The following GNAQ variants were observed in gnomAD, a reference collection of about 807,000 sequenced individuals.
GNAQ encodes the protein guanine nucleotide-binding protein G(q) subunit alpha.
Under a neutral mutation model 43.9 loss-of-function variants are expected in GNAQ, and 8 were observed. That is an observed-to-expected ratio of 0.18 (90% CI 0.11 to 0.33). GNAQ has a LOEUF of 0.33. Among genes scored for constraint, GNAQ ranks in the 10% least tolerant of loss-of-function variants. GNAQ has a pLI of 1.00. For missense variants in GNAQ, 158 were observed against 450.8 expected (o/e 0.35, Z 5.88); for synonymous variants, 155 against 170.7 (o/e 0.91, Z 0.71).
intron 2 of GNAQ, among the ~76,000 whole-genome samples, chr9:77,858,964 C>T (rs1470385263): frequency 6.6e-6 from 1 of 152,082 alleles, no homozygotes; most frequent in Non-Finnish European, 1.5e-5. Flanking sequence ...GTCTTTCCAT[C>T]TCCATACTTA....
chr9:77,795,686 G>C (rs904958708), intron 4 of GNAQ, among the ~76,000 whole-genome samples: 4 of 152,158 alleles, frequency 2.6e-5, no homozygotes, highest in Admixed American at 2.6e-4. Flanking sequence ...GGACATCAAA[G>C]CCAGAATTCT....
At chr9:77,834,065 A>T (rs772195914) in intron 2 of GNAQ, among the ~76,000 whole-genome samples, 6 of 152,202 alleles carry the variant, frequency 3.9e-5, no homozygotes, top group African/African-American at 9.6e-5. Flanking sequence ...GAGTTTTAGA[A>T]ATTCAATGTC....
intron 5 of GNAQ, among the ~76,000 whole-genome samples, chr9:77,753,726 A>G (rs1825854373): frequency 6.6e-6 from 1 of 152,188 alleles, no homozygotes; most frequent in South Asian, 2.1e-4. Context: ...TTTGGTATCT[A>G]CCTGTGGATC....
chr9:78,009,115 T>C (rs1312030740), intron 1 of GNAQ, among the ~76,000 whole-genome samples: 2 of 152,224 alleles, frequency 1.3e-5, no homozygotes, highest in African/African-American at 4.8e-5. Context: ...AAATGAAGTT[T>C]GCTTTTCCTA....
At chr9:77,761,420 C>T (rs1252168774) in intron 5 of GNAQ, among the ~76,000 whole-genome samples, 1,079 of 137,908 alleles carry the variant, frequency 7.8e-3, no homozygotes, top group African/African-American at 0.028. Context: ...CCCCTCTGCC[C>T]GGCCAGCCGC....
intron 5 of GNAQ, among the ~76,000 whole-genome samples, chr9:77,733,215 T>G (rs1450326744): frequency 6.6e-6 from 1 of 152,190 alleles, no homozygotes; most frequent in Non-Finnish European, 1.5e-5. Context: ...CCTGACCAGT[T>G]ATCTGTGAAA....
chr9:77,984,396 T>C (rs1167601489), intron 1 of GNAQ, among the ~76,000 whole-genome samples: 1 of 152,022 alleles, frequency 6.6e-6, no homozygotes, highest in African/African-American at 2.4e-5. Flanking sequence ...CTCGAACTCC[T>C]GGACTCAAGC....
intron 1 of GNAQ, among the ~76,000 whole-genome samples, chr9:77,936,278 T>C (rs1404587245): frequency 2.6e-5 from 4 of 152,184 alleles, no homozygotes; most frequent in Admixed American, 2.0e-4. Flanking sequence ...ACCCAAGATA[T>C]AATGTATGGC....
At chr9:77,825,859 A>T (rs1785838397) in intron 2 of GNAQ, among the ~76,000 whole-genome samples, 1 of 152,202 alleles carries the variant, frequency 6.6e-6, no homozygotes, top group Non-Finnish European at 1.5e-5. Flanking sequence ...CTTATGATCA[A>T]CCTATGCATG....
chr9:77,916,609 A>G (rs1828909825), intron 2 of GNAQ, among the ~76,000 whole-genome samples: 1 of 152,184 alleles, frequency 6.6e-6, no homozygotes, highest in Admixed American at 6.5e-5. Flanking sequence ...CTGTAGCAAT[A>G]CATCCTCTCA....
intron 1 of GNAQ, among the ~76,000 whole-genome samples, chr9:77,981,541 T>A (rs1203436531): frequency 6.6e-6 from 1 of 152,114 alleles, no homozygotes; most frequent in African/African-American, 2.4e-5. Context: ...AAAATAACAT[T>A]CACTGTGAAT....
chr9:77,812,027 T>C (rs531519344), intron 3 of GNAQ, among the ~76,000 whole-genome samples: 1 of 152,310 alleles, frequency 6.6e-6, no homozygotes, highest in African/African-American at 2.4e-5. Context: ...AGAGTCGCTG[T>C]TTCACCATAA....
At chr9:77,764,372 T>A (rs1416284437) in intron 5 of GNAQ, among the ~76,000 whole-genome samples, 4 of 152,178 alleles carry the variant, frequency 2.6e-5, no homozygotes, top group Non-Finnish European at 5.9e-5. Flanking sequence ...GGCAATATAA[T>A]ACCTTGCCTA....
chr9:77,851,638 C>G (rs998637140), intron 2 of GNAQ, among the ~76,000 whole-genome samples: 1 of 152,216 alleles, frequency 6.6e-6, no homozygotes. Context: ...CCTGCCTCCC[C>G]ACTCCTGATC....
At chr9:77,771,758 C>T (rs1826226194) in intron 5 of GNAQ, among the ~76,000 whole-genome samples, 1 of 151,942 alleles carries the variant, frequency 6.6e-6, no homozygotes, top group African/African-American at 2.4e-5. Context: ...GTGAAGCTGG[C>T]CCTGTTAGTG....
intron 2 of GNAQ, among the ~76,000 whole-genome samples, chr9:77,850,424 C>G (rs1827655530): frequency 2.0e-5 from 3 of 152,274 alleles, no homozygotes; most frequent in East Asian, 3.9e-4. Context: ...GGGCCTCATT[C>G]TCTCCTGCTC....
chr9:77,895,212 A>T lies in GNAQ; in HGVS notation c.321+26949T>A, dbSNP rs903003736. Among the ~76,000 whole-genome samples, 12 of 151,804 alleles carry T rather than the reference A, an allele frequency of 7.9e-5. No homozygotes were observed. In the South Asian group the frequency reaches 2.5e-3, roughly 32 times the overall value. On this transcript the variant is annotated intron_variant, in intron 2 of 6. Coordinates refer to ENST00000286548, the MANE Select transcript of GNAQ (RefSeq NM_002072.5). ...GACTCCATCTCAAAAAAAAAAAAAA[A>T]ACAGAATGGCAGCAAACATCGACTC...
rs546357122 is a variant in GNAQ, at chr9:77,895,135, T to C, written c.321+27026A>G. 2.5e-4 allele frequency among the ~76,000 whole-genome samples: 37 copies of C among 150,256 alleles called. 1 individual carries two copies. In the South Asian group the frequency reaches 7.2e-3, roughly 29 times the overall value. ...ATGGCATGAACCCGGGAGGTGGAGC[T>C]TGCAGTGAGCCAAGATCACACCACT... On this transcript the variant is annotated intron_variant, in intron 2 of 6. Transcript: ENST00000286548.
chr9:77,749,555 T>C (rs2118287194), intron 5 of GNAQ, among the ~76,000 whole-genome samples: 1 of 152,232 alleles, frequency 6.6e-6, no homozygotes, highest in East Asian at 1.9e-4. Context: ...TAAATGCATA[T>C]AATTTTTCTC....
Sources: gnomAD v4.1 joint callset for allele counts (sites outside exome capture counted in the v4.1 genomes callset) on GRCh38, gnomAD v4.1.1 for gene constraint, MANE v1.5 for transcripts, NCBI Gene and HGNC (gene_info 2026-07-23, HGNC 2026-07-21) for gene names.